Variants in PLXNA4 observed in about 807,000 individuals in gnomAD.
The protein encoded by PLXNA4 is plexin-A4.
In PLXNA4, 44 loss-of-function variants were observed where a neutral mutation model predicts 191.8. The ratio of observed to expected loss-of-function variants is 0.23; its 90% CI spans 0.18 to 0.29. The LOEUF is 0.29. Among genes scored for constraint, PLXNA4 ranks in the 10% least tolerant of loss-of-function variants. The probability of loss-of-function intolerance (pLI) is 1.00; values close to 1 mark genes in which losing one functional copy is unlikely to be tolerated. For missense variants in PLXNA4, 1,800 were observed against 2,488.8 expected (o/e 0.72, Z 5.89); for synonymous variants, 1,082 against 1,009.5 (o/e 1.07, Z -1.36).
intron 2 of PLXNA4, among the ~76,000 whole-genome samples, chr7:132,587,587 A>C (rs1457596041): frequency 6.6e-6 from 1 of 152,140 alleles, no homozygotes; most frequent in Non-Finnish European, 1.5e-5. Flanking sequence ...TAAGCTTTGC[A>C]TTGACTCAGT....
chr7:132,619,140 C>A (rs148794012), intron 2 of PLXNA4, among the ~76,000 whole-genome samples: 65 of 152,162 alleles, frequency 4.3e-4, no homozygotes, highest in African/African-American at 1.4e-3. Context: ...CCAAGATTTC[C>A]GCCTGTTTTG....
intron 1 of PLXNA4, among the ~76,000 whole-genome samples, chr7:132,551,876 G>T (rs544111689): frequency 6.6e-6 from 1 of 152,042 alleles, no homozygotes; most frequent in Non-Finnish European, 1.5e-5. Context: ...TTTAAAAAGC[G>T]GTGTCACTCT....
chr7:132,567,860 A>G (rs1585363339), intron 1 of PLXNA4, among the ~76,000 whole-genome samples: 1 of 152,190 alleles, frequency 6.6e-6, no homozygotes, highest in African/African-American at 2.4e-5. Flanking sequence ...GGCTGACCCT[A>G]CCTTCTGGGA....
intron 3 of PLXNA4, among the ~76,000 whole-genome samples, chr7:132,345,713 C>T (rs1464113913): frequency 6.6e-6 from 1 of 152,226 alleles, no homozygotes; most frequent in Non-Finnish European, 1.5e-5. Context: ...TCCAGTGTCT[C>T]ACCCCAAGAG....
intron 2 of PLXNA4, among the ~76,000 whole-genome samples, chr7:132,609,238 A>T (rs894702710): frequency 1.3e-5 from 2 of 152,176 alleles, no homozygotes; most frequent in African/African-American, 4.8e-5. Context: ...CCTCAATGTC[A>T]GAGCAGTGCC....
At chr7:132,409,582 C>T (rs544339999) in intron 3 of PLXNA4, among the ~76,000 whole-genome samples, 9 of 152,158 alleles carry the variant, frequency 5.9e-5, no homozygotes, top group Non-Finnish European at 1.2e-4. Context: ...ACCAGCTCCC[C>T]ACCCTGGATG....
chr7:132,631,161 G>A lies in PLXNA4; in HGVS notation c.-87+14767C>T, dbSNP rs547272946. Among the ~76,000 whole-genome samples the A allele has an allele frequency of 1.3e-3, 197 of 152,258 alleles. 1 individual carries two copies. The highest frequency in any genetic ancestry group is 3.4e-3 in the Middle Eastern group (1 of 294). ...TTTGCCCCTGTTCCATAATGGATCT[G>A]TTTGTTTTAATATAAGAATATTATT... On this transcript the variant is annotated intron_variant, in intron 2 of 4. Transcript: ENST00000378539.
At chr7:132,531,482 A>G (rs1048594975) in intron 1 of PLXNA4, among the ~76,000 whole-genome samples, 2 of 152,242 alleles carry the variant, frequency 1.3e-5, no homozygotes, top group Non-Finnish European at 2.9e-5. Context: ...CACAGAGAGC[A>G]GGAAATCTGT....
Position 132,127,005 on chromosome 7 carries a change from A to C in PLXNA4, c.*3474T>G, listed in dbSNP as rs997304167. On this transcript the variant is annotated 3_prime_UTR_variant, in exon 32 of 32. Coordinates refer to ENST00000321063, the MANE Select transcript of PLXNA4 (RefSeq NM_020911.2). Reference sequence around the variant, plus strand: ...TTATGGGGAAGGACAAAGAATGGGTAAAAGCTGCATCTGGGGGGACTTGTG... The same window carrying C: ...TTATGGGGAAGGACAAAGAATGGGTCAAAGCTGCATCTGGGGGGACTTGTG... 2 of 148,536 alleles carry C rather than the reference A, an allele frequency of 1.3e-5. No individual in the cohort carries two copies. The highest frequency in any genetic ancestry group is 2.6e-5 in the African/African-American group (1 of 38,134). 9.2% of individuals were successfully genotyped at this position (148,536 alleles called of 1,614,324 possible).
intron 25 of PLXNA4, among the ~76,000 whole-genome samples, chr7:132,149,466 T>G (rs898594598): frequency 3.9e-5 from 6 of 152,142 alleles, no homozygotes; most frequent in East Asian, 1.9e-4. Context: ...TATCTCGAAA[T>G]GTACACACAT....
intron 2 of PLXNA4, among the ~76,000 whole-genome samples, chr7:132,610,153 C>T (rs1295418477): frequency 6.6e-6 from 1 of 152,104 alleles, no homozygotes; most frequent in African/African-American, 2.4e-5. Context: ...TCCAAGAACC[C>T]GAGCAGAGAG....
At chr7:132,467,492 A>G (rs1796754072) in intron 3 of PLXNA4, among the ~76,000 whole-genome samples, 1 of 152,154 alleles carries the variant, frequency 6.6e-6, no homozygotes, top group Admixed American at 6.5e-5. Flanking sequence ...CTGCTCACCA[A>G]TGGTACTCAC....
At chr7:132,145,424 A>G (rs1795391672) in intron 28 of PLXNA4, 136 bp from the exon 29 acceptor site, 1 of 1,175,792 alleles carries the variant, frequency 8.5e-7, no homozygotes, top group African/African-American at 1.6e-5. Context: ...GGGTAAGTCC[A>G]TGCATTAAAT....
At chr7:132,217,633 C>T (rs1798004899) in intron 9 of PLXNA4, among the ~76,000 whole-genome samples, 1 of 152,200 alleles carries the variant, frequency 6.6e-6, no homozygotes, top group Non-Finnish European at 1.5e-5. Flanking sequence ...CTCAGAACCA[C>T]AGTGCCCAAT....
chr7:132,330,541 A>G (rs77743745), intron 3 of PLXNA4, among the ~76,000 whole-genome samples: 2,503 of 152,330 alleles, frequency 0.016, 75 homozygotes, highest in African/African-American at 0.057. Flanking sequence ...CGCACACTTT[A>G]AAATGTGAAA....
chr7:132,442,202 G>A (rs77712827), intron 3 of PLXNA4, among the ~76,000 whole-genome samples: 8,264 of 152,254 alleles, frequency 0.054, 767 homozygotes, highest in African/African-American at 0.19. Context: ...TTGTCAGTCA[G>A]GGACAAAGAG....
At chr7:132,299,662 A>G (rs1020605872) in intron 3 of PLXNA4, among the ~76,000 whole-genome samples, 1 of 152,214 alleles carries the variant, frequency 6.6e-6, no homozygotes, top group African/African-American at 2.4e-5. Flanking sequence ...ATGTTCATTC[A>G]TCACGGCTCA....
intron 20 of PLXNA4, among the ~76,000 whole-genome samples, chr7:132,176,170 CTGCT>C (rs1007685866): frequency 3.9e-5 from 6 of 152,310 alleles, no homozygotes; most frequent in Admixed American, 2.6e-4. Context: ...AATCCCAAGA[CTGCT>C]TGTTTGAGAG....
intron 30 of PLXNA4, among the ~76,000 whole-genome samples, chr7:132,139,669 A>G (rs950946510): frequency 1.3e-5 from 2 of 152,214 alleles, no homozygotes; most frequent in Non-Finnish European, 2.9e-5. Flanking sequence ...CAGAGGCACC[A>G]TATGGGTTGG....
Sources: allele counts gnomAD v4.1 joint callset (sites outside exome capture counted in the v4.1 genomes callset), GRCh38; gene constraint gnomAD v4.1.1; transcripts MANE v1.5; gene names NCBI Gene and HGNC (gene_info 2026-07-23, HGNC 2026-07-21).